The following CD96 variants were observed in gnomAD, a reference collection of about 807,000 sequenced individuals.
The protein encoded by CD96 is CD96 molecule.
CD96 carries 70 observed loss-of-function variants against 71.3 expected under a neutral mutation model. The ratio of observed to expected loss-of-function variants is 0.98; its 90% CI spans 0.81 to 1.20. The LOEUF is 1.20. Among genes scored for constraint, CD96 ranks in the 50% most tolerant of loss-of-function variants. The pLI is 0.00. For synonymous variants in CD96, 248 were observed against 233.0 expected (o/e 1.06, Z -0.59); for missense variants, 742 against 677.5 (o/e 1.10, Z -1.06).
chr3:111,665,902 G>C (rs367556293), downstream of CD96, among the ~76,000 whole-genome samples: 4 of 152,288 alleles, frequency 2.6e-5, no homozygotes, highest in South Asian at 6.2e-4. Flanking sequence ...CACTTCTACA[G>C]AACCTCCTCC....
chr3:111,608,868 C>A (rs951028803), intron 8 of CD96, among the ~76,000 whole-genome samples: 2 of 152,126 alleles, frequency 1.3e-5, no homozygotes, highest in African/African-American at 2.4e-5. Flanking sequence ...TTTCTGCCTT[C>A]AGAAAGGTTG....
intron 1 of CD96, among the ~76,000 whole-genome samples, chr3:111,542,853 G>T (rs926579141): frequency 1.3e-5 from 2 of 152,168 alleles, no homozygotes; most frequent in Non-Finnish European, 1.5e-5. Flanking sequence ...TTATGACAGT[G>T]GGAACGAGAG....
chr3:111,581,325 A>T (rs1162158271), intron 4 of CD96, among the ~76,000 whole-genome samples: 1 of 152,222 alleles, frequency 6.6e-6, no homozygotes, highest in Non-Finnish European at 1.5e-5. Context: ...ACCCAAGTAT[A>T]TATTGTGGCC....
intron 5 of CD96, among the ~76,000 whole-genome samples, chr3:111,592,140 G>T (rs775745571): frequency 2.9e-4 from 44 of 152,264 alleles, no homozygotes; most frequent in Admixed American, 2.4e-3. Flanking sequence ...TTGGTTGGAG[G>T]AGGGTGGTGT....
At chr3:111,550,615 T>C (rs1050595904) in intron 2 of CD96, among the ~76,000 whole-genome samples, 1 of 152,092 alleles carries the variant, frequency 6.6e-6, no homozygotes, top group African/African-American at 2.4e-5. Flanking sequence ...AGTTTTTTTT[T>C]ATTGTAACAG....
chr3:111,628,313 G>T (rs367863900), intron 10 of CD96, among the ~76,000 whole-genome samples: 5 of 152,166 alleles, frequency 3.3e-5, no homozygotes, highest in African/African-American at 1.2e-4. Context: ...AGCCTAAATA[G>T]CCAGTACAGA....
At chr3:111,634,089 T>C (rs575990652) in intron 10 of CD96, 1 of 152,926 alleles carries the variant, frequency 6.5e-6, no homozygotes, top group African/African-American at 2.4e-5. Context: ...GACTTTGATA[T>C]GACACTAAGT....
chr3:111,620,593 T>A (rs1314294565), intron 8 of CD96, among the ~76,000 whole-genome samples: 1 of 152,146 alleles, frequency 6.6e-6, no homozygotes, highest in Non-Finnish European at 1.5e-5. Flanking sequence ...GACCCTCAAG[T>A]GAAAGTCTAA....
At chr3:111,577,478 T>C (rs749032274) in intron 3 of CD96, 1 of 1,562,702 alleles carries the variant, frequency 6.4e-7, no homozygotes. Context: ...CTTTCTCCCT[T>C]CTTCTTTTGC....
At chr3:111,612,340 T>C (rs1396469281) in intron 8 of CD96, among the ~76,000 whole-genome samples, 4 of 152,196 alleles carry the variant, frequency 2.6e-5, no homozygotes, top group Non-Finnish European at 5.9e-5. Flanking sequence ...TCTGCCTAAA[T>C]ACAGGGACTA....
At chr3:111,647,428 A>G (rs973307685) in intron 12 of CD96, 115 bp from the exon 13 acceptor site, 15 of 940,794 alleles carry the variant, frequency 1.6e-5, no homozygotes, top group Admixed American at 1.7e-5. Context: ...CCTCCAGAGT[A>G]TGATCACAGC....
At chr3:111,570,962 T>G in intron 3 of CD96, 1 of 1,544,926 alleles carries the variant, frequency 6.5e-7, no homozygotes, top group East Asian at 2.2e-5. Flanking sequence ...GGCTGTGCTC[T>G]GAGGCCACCA....
At position 111,591,113 on chromosome 3, in the gene CD96, G is replaced by T. The variant is rs192053792; in HGVS notation, c.807+5735G>T. On this transcript the variant is annotated intron_variant, in intron 5 of 13. Transcript: ENST00000352690. ...CCAGAGGCCAGAAGCAGTGGCTCACGCCTGTAATCCCAACACTTTGGGAGG... is the reference window on the plus strand; with the variant it reads ...CCAGAGGCCAGAAGCAGTGGCTCACTCCTGTAATCCCAACACTTTGGGAGG... 9.5e-4 allele frequency among the ~76,000 whole-genome samples: 145 copies of T among 152,202 alleles called. 1 individual carries two copies. The highest frequency in any genetic ancestry group is 6.8e-3 in the Middle Eastern group (2 of 294).
At chr3:111,631,791 T>A (rs950753157) in intron 10 of CD96, among the ~76,000 whole-genome samples, 1 of 152,172 alleles carries the variant, frequency 6.6e-6, no homozygotes, top group South Asian at 2.1e-4. Flanking sequence ...CATAGACGAA[T>A]AGAACAGAAT....
chr3:111,618,317 A>G (rs1938347287), intron 8 of CD96, among the ~76,000 whole-genome samples: 1 of 152,208 alleles, frequency 6.6e-6, no homozygotes, highest in African/African-American at 2.4e-5. Flanking sequence ...GACCTCAAGG[A>G]TCCCGTGACA....
intron 10 of CD96, 73 bp downstream of exon 10, chr3:111,624,477 T>G: frequency 1.2e-6 from 1 of 849,968 alleles, no homozygotes; most frequent in South Asian, 1.3e-5. Context: ...TTGAACGACA[T>G]CTATGTGCTT....
At chr3:111,639,520 C>T (rs577552797) in intron 12 of CD96, among the ~76,000 whole-genome samples, 1 of 152,298 alleles carries the variant, frequency 6.6e-6, no homozygotes, top group African/African-American at 2.4e-5. Context: ...TAGCCCTGCC[C>T]CGACCTGATG....
In CD96 at chr3:111,545,347, T is replaced by C; in HGVS notation, c.363T>C (p.Val121=). 1 of 1,613,962 alleles carries C rather than the reference T, an allele frequency of 6.2e-7. No homozygotes were observed. The highest frequency in any genetic ancestry group is 2.2e-5 in the East Asian group (1 of 44,898). The change falls in exon 2 of 14, where the codon GTT becomes GTC. Residue 121 remains valine (V), a synonymous_variant. Coordinates refer to ENST00000352690, the MANE Select transcript of CD96 (RefSeq NM_005816.5). ...GTGGAAGGTACGAGTGTATGCTTGT[T>C]CTGTATCCAGAGGGCATTCAGACTA... ...SVSGRYECML[V]LYPEGIQTKI...
intron 7 of CD96, among the ~76,000 whole-genome samples, chr3:111,605,303 G>A (rs1236746852): frequency 6.6e-6 from 1 of 152,198 alleles, no homozygotes; most frequent in Non-Finnish European, 1.5e-5. Context: ...GTACATTCAG[G>A]AAAGTTTGGG....
Sources: allele counts gnomAD v4.1 joint callset (sites outside exome capture counted in the v4.1 genomes callset), GRCh38; gene constraint gnomAD v4.1.1; transcripts MANE v1.5; gene names NCBI Gene and HGNC (gene_info 2026-07-23, HGNC 2026-07-21).